CAPN7: variants seen among roughly 807,000 people sequenced by gnomAD.
The protein encoded by CAPN7 is calpain 7.
A neutral mutation model predicts 115.2 loss-of-function variants in CAPN7; 72 were observed. The observed-to-expected ratio is 0.63, with a 90% CI of 0.52 to 0.76. The LOEUF (loss-of-function observed/expected upper bound fraction) is 0.76. CAPN7 is among the 30% of genes least tolerant of loss of function. The pLI is 0.00. For synonymous variants in CAPN7, 344 were observed against 322.3 expected, an observed-to-expected ratio of 1.07 and a Z score of -0.72; for missense variants, 905 against 971.5, an observed-to-expected ratio of 0.93 and a Z score of 0.91.
intron 4 of CAPN7, 65 bp from the exon 5 acceptor site, chr3:15,220,716 G>A (rs1693926558): frequency 1.4e-6 from 2 of 1,464,124 alleles, no homozygotes; most frequent in South Asian, 1.2e-5. Context: ...AGTAAATTTT[G>A]TTTCCTGAAA....
intron 19 of CAPN7, among the ~76,000 whole-genome samples, chr3:15,249,006 C>CAAAAAAAAAAAAAAAAAAAAAAAAAAAA (rs1460568964): frequency 2.0e-5 from 1 of 50,714 alleles, no homozygotes; most frequent in African/African-American, 9.6e-5. Flanking sequence ...ATACAACAAC[C>CAAAAAAAAAAAAAAAAAAAAAAAAAAAA]AAAAAAAAAA....
intron 1 of CAPN7, chr3:15,210,936 T>G: frequency 4.2e-6 from 5 of 1,185,952 alleles, no homozygotes; most frequent in Non-Finnish European, 5.4e-6. Context: ...CTGTTACTTG[T>G]AGAAATCTGT....
intron 4 of CAPN7, among the ~76,000 whole-genome samples, chr3:15,220,355 C>G (rs1348536584): frequency 6.6e-6 from 1 of 152,228 alleles, no homozygotes; most frequent in Admixed American, 6.5e-5. Context: ...TCAGAGCACC[C>G]TTCTCCAACT....
chr3:15,240,195 A>G (rs955053271), intron 12 of CAPN7, among the ~76,000 whole-genome samples: 2 of 152,206 alleles, frequency 1.3e-5, no homozygotes, highest in Non-Finnish European at 2.9e-5. Context: ...TAACATTTGA[A>G]ATGTGGCTGC....
chr3:15,223,550 A>G lies in CAPN7; in HGVS notation c.714A>G (p.Pro238=), dbSNP rs760863604. ...ACCTGAGAGAACGTTTTGCCTATCC[A>G]ATGCCTTTCTGGTAAGTAAGCACTG... ...NVDLRERFAY[P]MPFCDRWGKL... Residue 238 remains proline (P), a synonymous_variant, in exon 6 of 21, where the codon CCA becomes CCG. Transcript: ENST00000253693. 3.8e-6 allele frequency: 6 copies of G among 1,596,342 alleles called. No homozygotes were observed. In the South Asian group the frequency reaches 6.7e-5, roughly 18 times the overall value.
At chr3:15,218,882 A>G (rs1693796397) in intron 4 of CAPN7, among the ~76,000 whole-genome samples, 1 of 152,250 alleles carries the variant, frequency 6.6e-6, no homozygotes, top group Non-Finnish European at 1.5e-5. Flanking sequence ...AAACATGAGC[A>G]TGAACTTGCT....
At chr3:15,248,458 CATGTA>C (rs1379879910) in intron 19 of CAPN7, among the ~76,000 whole-genome samples, 1 of 152,074 alleles carries the variant, frequency 6.6e-6, no homozygotes, top group East Asian at 1.9e-4. Context: ...CTGAAATACT[CATGTA>C]AGGATGCACA....
intron 7 of CAPN7, among the ~76,000 whole-genome samples, chr3:15,228,357 A>C (rs909961285): frequency 1.3e-5 from 2 of 152,238 alleles, no homozygotes; most frequent in Non-Finnish European, 2.9e-5. Flanking sequence ...TGTGTGAGTC[A>C]GCAGTATGGT....
chr3:15,244,165 A>T (rs1367893192), intron 16 of CAPN7, among the ~76,000 whole-genome samples: 1 of 152,190 alleles, frequency 6.6e-6, no homozygotes, highest in African/African-American at 2.4e-5. Flanking sequence ...TTTAAGTCTT[A>T]CTTTGTTTAA....
intron 19 of CAPN7, 103 bp downstream of exon 19, chr3:15,247,560 AT>A (rs1421838107): frequency 2.2e-5 from 18 of 821,826 alleles, no homozygotes; most frequent in Admixed American, 2.0e-4. Flanking sequence ...TGGACATTGG[AT>A]TTATAACAAT....
intron 16 of CAPN7, among the ~76,000 whole-genome samples, chr3:15,243,265 T>C (rs186644802): frequency 7.2e-4 from 109 of 152,278 alleles, no homozygotes; most frequent in African/African-American, 2.5e-3. Context: ...CAGAAAGATT[T>C]GCAGAGGTCA....
Position 15,206,515 on chromosome 3 carries a change from A to C in CAPN7, c.20A>C (p.Glu7Ala). The C allele has an allele frequency of 6.4e-7, 1 of 1,552,746 alleles. No individual in the cohort carries two copies. ...TGCGCCATGGACGCCACAGCACTGG[A>C]GCGGGACGCTGTGCAGTTCGCCCGT... Reference protein sequence around the residue: MDATALERDAVQFARLA... With the variant: MDATALARDAVQFARLA... Residue 7 changes from glutamate (E) to alanine (A), a missense_variant, in exon 1 of 21, where the codon GAG (glutamate) becomes GCG (alanine). This residue lies in a region of CAPN7 where 271 missense variants were observed against 239.6 expected (regional missense o/e 1.13). Coordinates refer to ENST00000253693, the MANE Select transcript of CAPN7 (RefSeq NM_014296.3).
At chr3:15,235,171 A>C (rs776023091) in intron 12 of CAPN7, 26 bp downstream of exon 12, 2 of 1,569,404 alleles carry the variant, frequency 1.3e-6, no homozygotes, top group South Asian at 1.2e-5. Flanking sequence ...TTTTTCTTTT[A>C]TTTTTCTTGT....
In CAPN7 at chr3:15,240,821, A is replaced by G. The variant is rs1373186903; in HGVS notation, c.1620A>G (p.Pro540=). 1.9e-6 allele frequency: 3 copies of G among 1,612,534 alleles called. No individual in the cohort carries two copies. The highest frequency in any genetic ancestry group is 4.5e-5 in the East Asian group (2 of 44,832). ...YYDVIYLSWN[P]GLFKESTCIH... is the part of the protein sequence containing the mutation. Reference sequence around the variant, plus strand: ...ATGTGATTTATTTGAGTTGGAATCCAGGTCTTTTTAAAGAATCAACATGTA... The same window carrying G: ...ATGTGATTTATTTGAGTTGGAATCCGGGTCTTTTTAAAGAATCAACATGTA... Residue 540 remains proline (P), a synonymous_variant, in exon 14 of 21, where the codon CCA becomes CCG. Coordinates refer to ENST00000253693, the MANE Select transcript of CAPN7 (RefSeq NM_014296.3).
chr3:15,212,265 T>C (rs2124872382), intron 2 of CAPN7, 53 bp downstream of exon 2: 1 of 955,200 alleles, frequency 1.0e-6, no homozygotes, highest in Non-Finnish European at 1.6e-6. Flanking sequence ...TCTCCCATCA[T>C]GTCTTTCCCC....
chr3:15,209,091 A>G (rs183126609), intron 1 of CAPN7, among the ~76,000 whole-genome samples: 3 of 151,608 alleles, frequency 2.0e-5, no homozygotes, highest in Admixed American at 6.6e-5. Context: ...ACTCGCTGCA[A>G]CCTCCACCTC....
chr3:15,241,706 T>C (rs1202880776), intron 15 of CAPN7, 118 bp downstream of exon 15: 2 of 734,342 alleles, frequency 2.7e-6, no homozygotes, highest in East Asian at 5.5e-5. Context: ...CTGAGAATAG[T>C]GTTTTCTCAG....
Position 15,220,888 on chromosome 3 carries a change from A to C in CAPN7, c.545A>C (p.Asn182Thr), listed in dbSNP as rs749103881. 1 of 1,614,218 alleles carries C rather than the reference A, an allele frequency of 6.2e-7. No individual in the cohort carries two copies. The highest frequency in any genetic ancestry group is 1.6e-4 in the Middle Eastern group (1 of 6,062). Residue 182 changes from asparagine (N) to threonine (T), a missense_variant, in exon 5 of 21, where the codon AAT becomes ACT. By Grantham distance (65) the Asn-to-Thr change is moderately conservative. Coordinates refer to ENST00000253693, the MANE Select transcript of CAPN7 (RefSeq NM_014296.3). The part of the protein sequence containing the change: ...PVRAHFPLGA[N>T]PFLERPQSFI... ...AGAGCACATTTTCCACTGGGCGCTA[A>C]TCCCTTCCTTGAAAGACCTCAGTCA...
intron 6 of CAPN7, among the ~76,000 whole-genome samples, chr3:15,224,541 G>A (rs1170752304): frequency 6.6e-6 from 1 of 151,944 alleles, no homozygotes; most frequent in Non-Finnish European, 1.5e-5. Context: ...CCGAAGTGCT[G>A]GGATTACAGA....
Sources: gnomAD v4.1 joint callset for allele counts (sites outside exome capture counted in the v4.1 genomes callset) on GRCh38, gnomAD v4.1.1 for gene constraint, gnomAD v4.1.1 regional missense constraint, MANE v1.5 for transcripts, NCBI Gene and HGNC (gene_info 2026-07-23, HGNC 2026-07-21) for gene names.